Variants in DLGAP2 observed in about 807,000 individuals in gnomAD.
DLGAP2 encodes the protein disks large-associated protein 2.
DLGAP2 carries 26 observed loss-of-function variants against 100.3 expected under a neutral mutation model. That is an observed-to-expected ratio of 0.26 (90% confidence interval 0.19 to 0.36). The LOEUF (loss-of-function observed/expected upper bound fraction) is 0.36, where lower values mean the gene tolerates loss of function less well. DLGAP2 is among the 10% of genes least tolerant of loss of function. The pLI is 1.00. For synonymous variants in DLGAP2, 886 were observed against 630.1 expected (o/e 1.41, Z -6.08); for missense variants, 1,858 against 1,453.2 (o/e 1.28, Z -4.53).
intron 2 of DLGAP2, among the ~76,000 whole-genome samples, chr8:1,046,442 G>A (rs1444551139): frequency 6.6e-6 from 1 of 152,128 alleles, no homozygotes; most frequent in African/African-American, 2.4e-5. Context: ...TGCAGGGGTG[G>A]ATGTGTACAT....
intron 5 of DLGAP2, among the ~76,000 whole-genome samples, chr8:1,553,104 C>A (rs898838583): frequency 3.3e-5 from 5 of 152,166 alleles, no homozygotes; most frequent in African/African-American, 4.8e-5. Flanking sequence ...AGGCTCCTGG[C>A]GGCATCAGAT....
At chr8:1,571,075 TGGGGAGGAGAGAG>T in intron 6 of DLGAP2, among the ~76,000 whole-genome samples, 1 of 103,760 alleles carries the variant, frequency 9.6e-6, no homozygotes, top group African/African-American at 4.0e-5. Flanking sequence ...TCTGATGAGA[TGGGGAGGAGAGAG>T]GGTGAACTGT....
Position 1,199,288 on chromosome 8 carries a change from T to C in DLGAP2, c.74-59563T>C, listed in dbSNP as rs75253314. Among the ~76,000 whole-genome samples, 42 of 152,370 alleles carry C rather than the reference T, an allele frequency of 2.8e-4. No individual in the cohort carries two copies. In the East Asian group the frequency reaches 7.7e-3, roughly 28 times the overall value. ...AAGACTCTGCTTCACTCAACAGATA[T>C]CTTGCAATATTTGAGCAGGTTGAGC... On this transcript the variant is annotated intron_variant, in intron 2 of 14. Transcript: ENST00000637795.
intron 2 of DLGAP2, among the ~76,000 whole-genome samples, chr8:1,043,602 A>T (rs1802435644): frequency 6.6e-6 from 1 of 151,910 alleles, no homozygotes; most frequent in South Asian, 2.1e-4. Context: ...AACGAAAACT[A>T]GGAGGACTGC....
chr8:998,503 G>C (rs1230700059), intron 2 of DLGAP2, among the ~76,000 whole-genome samples: 2 of 148,660 alleles, frequency 1.3e-5, no homozygotes, highest in African/African-American at 5.0e-5. Context: ...GGATCTCACT[G>C]TGTCACCCAG....
intron 3 of DLGAP2, among the ~76,000 whole-genome samples, chr8:1,436,186 G>C (rs1461516813): frequency 6.6e-6 from 1 of 152,192 alleles, no homozygotes; most frequent in Non-Finnish European, 1.5e-5. Context: ...CAGGAAGCCA[G>C]TCCGAGGCCC....
intron 2 of DLGAP2, among the ~76,000 whole-genome samples, chr8:950,372 C>G (rs1584917132): frequency 6.6e-6 from 1 of 152,188 alleles, no homozygotes; most frequent in Non-Finnish European, 1.5e-5. Flanking sequence ...TTTGTTCAAC[C>G]TTTTAATTAT....
At chr8:1,122,020 A>G (rs1796061210) in intron 2 of DLGAP2, among the ~76,000 whole-genome samples, 1 of 152,166 alleles carries the variant, frequency 6.6e-6, no homozygotes, top group African/African-American at 2.4e-5. Flanking sequence ...TGGGAGACAG[A>G]CCTTCCTAGG....
intron 12 of DLGAP2, 24 bp from the exon 13 acceptor site, chr8:1,691,511 T>C (rs1209376320): frequency 6.3e-7 from 1 of 1,598,856 alleles, no homozygotes; most frequent in South Asian, 1.1e-5. Context: ...GTTGTTTTTT[T>C]GTTTTTGTTT....
intron 2 of DLGAP2, among the ~76,000 whole-genome samples, chr8:1,172,145 C>T (rs1030385968): frequency 6.0e-5 from 9 of 151,234 alleles, no homozygotes; most frequent in Admixed American, 2.0e-4. Context: ...ACTTATGAAG[C>T]TTAGTTTGGC....
chr8:817,175 T>C (rs1796498184), intron 1 of DLGAP2, among the ~76,000 whole-genome samples: 1 of 152,126 alleles, frequency 6.6e-6, no homozygotes, highest in Admixed American at 6.5e-5. Context: ...TTATCTTTTC[T>C]TTGTCTTTGA....
intron 8 of DLGAP2, among the ~76,000 whole-genome samples, chr8:1,659,606 T>A (rs1330096282): frequency 4.6e-5 from 7 of 152,180 alleles, no homozygotes; most frequent in Admixed American, 4.6e-4. Context: ...ATGCCCTTCT[T>A]TGTCTTTTTT....
chr8:1,623,044 T>C (rs1797388407), intron 6 of DLGAP2, among the ~76,000 whole-genome samples: 1 of 152,330 alleles, frequency 6.6e-6, no homozygotes, highest in South Asian at 2.1e-4. Context: ...TGGGACTCTA[T>C]ATGATAAAAT....
chr8:805,190 A>G (rs1333816961), intron 1 of DLGAP2, among the ~76,000 whole-genome samples: 2 of 152,218 alleles, frequency 1.3e-5, no homozygotes, highest in Non-Finnish European at 2.9e-5. Flanking sequence ...TATAATGCCC[A>G]GAATAATGAA....
chr8:806,241 A>G (rs1796267420), intron 1 of DLGAP2, among the ~76,000 whole-genome samples: 1 of 152,210 alleles, frequency 6.6e-6, no homozygotes, highest in Non-Finnish European at 1.5e-5. Flanking sequence ...TTACAGGATC[A>G]TGTAATTGGA....
At chr8:988,235 A>G (rs1433139492) in intron 2 of DLGAP2, among the ~76,000 whole-genome samples, 1 of 152,240 alleles carries the variant, frequency 6.6e-6, no homozygotes, top group Non-Finnish European at 1.5e-5. Context: ...TAGGTCCCAA[A>G]TCACCTTCAG....
rs546721608 is a variant in DLGAP2 at position 958,123 on chromosome 8, G to A, written c.73+50157G>A. On this transcript the variant is annotated intron_variant, in intron 2 of 14. Transcript: ENST00000637795. ...ACCATTCTAGATGTTTCTCAAAAGC[G>A]GAGTTATACAATATTTATAATGTTG... 4.6e-5 allele frequency among the ~76,000 whole-genome samples: 7 copies of A among 152,192 alleles called. No homozygotes were observed. The East Asian group carries it at 7.7e-4, about 17-fold the overall frequency.
At chr8:931,105 A>G (rs1231862446) in intron 2 of DLGAP2, among the ~76,000 whole-genome samples, 2 of 151,992 alleles carry the variant, frequency 1.3e-5, no homozygotes, top group East Asian at 1.9e-4. Context: ...ATAGAAACGC[A>G]TGTGTAGGTA....
At chr8:891,829 T>A (rs1798041769) in intron 1 of DLGAP2, among the ~76,000 whole-genome samples, 1 of 152,074 alleles carries the variant, frequency 6.6e-6, no homozygotes, top group Non-Finnish European at 1.5e-5. Context: ...ATACAAAGCC[T>A]GCATCCCAGC....
Sources: allele counts gnomAD v4.1 joint callset (sites outside exome capture counted in the v4.1 genomes callset), GRCh38; gene constraint gnomAD v4.1.1; transcripts MANE v1.5; gene names NCBI Gene and HGNC (gene_info 2026-07-23, HGNC 2026-07-21).